Variants in ZMAT1 observed in about 807,000 individuals in gnomAD.
The protein encoded by ZMAT1 is zinc finger matrin-type 1.
In ZMAT1, 11 loss-of-function variants were observed where a neutral mutation model predicts 18.5. The observed-to-expected ratio is 0.59, with a 90% CI of 0.37 to 0.98. The LOEUF is 0.98. Among genes scored for constraint, ZMAT1 ranks in the 50% least tolerant of loss-of-function variants. The probability of loss-of-function intolerance (pLI) is 0.01; values close to 1 mark genes in which losing one functional copy is unlikely to be tolerated. For missense variants in ZMAT1, 525 were observed against 496.2 expected (o/e 1.06, Z -0.55); for synonymous variants, 211 against 176.4 (o/e 1.20, Z -1.55).
chrX:101,921,678 G>GA lies in ZMAT1; in HGVS notation c.292+10038dup, dbSNP rs1387017550. Among the ~76,000 whole-genome samples the GA allele has an allele frequency of 7.2e-5, 8 of 111,870 alleles. No homozygotes were observed. The East Asian group carries it at 2.2e-3, about 31-fold the overall frequency. On this transcript the variant is annotated intron_variant, in intron 1 of 5. Transcript: ENST00000651725. ...TTTATATGGGTTGATGGAGATCAAT[G>GA]AAAAAATATATTTTAGATGGGAATA...
intron 5 of ZMAT1, 104 bp downstream of exon 5, chrX:101,886,528 A>G: frequency 1.9e-6 from 1 of 518,806 alleles, no homozygotes; most frequent in East Asian, 3.6e-5. Context: ...GGTTAAACCC[A>G]TAGGGACATG....
intron 1 of ZMAT1, among the ~76,000 whole-genome samples, chrX:101,908,620 T>G (rs1207608453): frequency 2.7e-5 from 3 of 111,543 alleles, no homozygotes; most frequent in Non-Finnish European, 5.7e-5. Flanking sequence ...CAGCAATTCT[T>G]AGGCAGTGAA....
At chrX:101,888,719 G>A (rs943788701) in intron 4 of ZMAT1, 1 of 111,458 alleles carries the variant, frequency 9.0e-6, no homozygotes, top group Non-Finnish European at 1.9e-5. Flanking sequence ...AACATTATGA[G>A]ATTTTTATGT....
In ZMAT1 at chrX:101,882,305, T is replaced by G. The variant is rs1261667407; in HGVS notation, c.*1205A>C. 9.0e-6 allele frequency: 1 copy of G among 111,706 alleles called. No individual in the cohort carries two copies. Among genetic ancestry groups the G allele is most frequent in the Non-Finnish European group, 1.9e-5 (1 of 52,956 alleles). 9.2% of individuals were successfully genotyped at this position (111,706 alleles called of 1,213,427 possible). On this transcript the variant is annotated 3_prime_UTR_variant, in exon 6 of 6. Coordinates refer to ENST00000651725, the MANE Select transcript of ZMAT1 (RefSeq NM_001394560.1). ...AAACAATATGTAGAAATTAAAACACTTTAATATAAACATTTCCAGAATATA... is the reference window on the plus strand; with the variant it reads ...AAACAATATGTAGAAATTAAAACACGTTAATATAAACATTTCCAGAATATA...
chrX:101,894,213 C>T (rs943592741), intron 4 of ZMAT1, among the ~76,000 whole-genome samples: 2 of 111,357 alleles, frequency 1.8e-5, no homozygotes, highest in Admixed American at 9.5e-5. Flanking sequence ...TTCCGTAGGT[C>T]TGCAGTGGGG....
chrX:101,894,487 T>C (rs1927659588), intron 4 of ZMAT1: 6 of 749,592 alleles, frequency 8.0e-6, no homozygotes, highest in Non-Finnish European at 9.4e-6. Flanking sequence ...CTAGGTGGAT[T>C]TGAAATGGCT....
intron 4 of ZMAT1, 135 bp from the exon 5 acceptor site, chrX:101,886,866 T>C (rs1926994801): frequency 4.4e-6 from 2 of 459,397 alleles, no homozygotes; most frequent in African/African-American, 2.5e-5. Context: ...CCCAGAGAGG[T>C]CAAATGACTT....
At chrX:101,919,819 G>C (rs2147668004) in intron 1 of ZMAT1, among the ~76,000 whole-genome samples, 1 of 111,288 alleles carries the variant, frequency 9.0e-6, no homozygotes, top group South Asian at 3.8e-4. Flanking sequence ...GTCATGATGG[G>C]CTTCACAAGG....
In ZMAT1 at chrX:101,926,907, T is replaced by A. The variant is rs1018520226; in HGVS notation, c.292+4810A>T. Among the ~76,000 whole-genome samples, 3 of 112,162 alleles carry A rather than the reference T, an allele frequency of 2.7e-5. No homozygotes were observed. The Admixed American group carries it at 2.8e-4, about 11-fold the overall frequency. On this transcript the variant is annotated intron_variant, in intron 1 of 5. Transcript: ENST00000651725. Reference sequence around the variant, plus strand: ...AAGTTCACAGGCCAACTGATCTTGATGCAAAAACATCTAGCATTATAAAGG... The same window carrying A: ...AAGTTCACAGGCCAACTGATCTTGAAGCAAAAACATCTAGCATTATAAAGG...
At chrX:101,918,907 C>A (rs1239615262) in intron 1 of ZMAT1, among the ~76,000 whole-genome samples, 1 of 110,577 alleles carries the variant, frequency 9.0e-6, no homozygotes, top group Middle Eastern at 4.2e-3. Flanking sequence ...ACTGGGGCTC[C>A]AGATCATTTC....
chrX:101,892,450 T>C (rs1378473257), intron 4 of ZMAT1, among the ~76,000 whole-genome samples: 1 of 111,152 alleles, frequency 9.0e-6, no homozygotes, highest in African/African-American at 3.3e-5. Flanking sequence ...TTTGATAAGA[T>C]TTGCTAATGG....
At chrX:101,890,383 A>G in intron 4 of ZMAT1, among the ~76,000 whole-genome samples, 1 of 112,173 alleles carries the variant, frequency 8.9e-6, no homozygotes, top group Non-Finnish European at 1.9e-5. Flanking sequence ...CTAGAACAGT[A>G]AGAGAAGTTG....
At chrX:101,931,532 C>T in intron 1 of ZMAT1, 185 bp downstream of exon 1, 1 of 745,003 alleles carries the variant, frequency 1.3e-6, no homozygotes, top group Non-Finnish European at 1.6e-6. Flanking sequence ...GCCCTCTCTG[C>T]TTCAGTCCAT....
At chrX:101,916,610 CCAAAGCAATCTACAGATT>C (rs1929353117) in intron 1 of ZMAT1, among the ~76,000 whole-genome samples, 1 of 110,870 alleles carries the variant, frequency 9.0e-6, no homozygotes, top group South Asian at 3.8e-4. Flanking sequence ...TCCATAGGAC[CCAAAGCAATCTACAGATT>C]CAAAGCAATC....
At chrX:101,894,567 A>C (rs1262862353) in intron 4 of ZMAT1, 1 of 570,470 alleles carries the variant, frequency 1.8e-6, no homozygotes, top group Admixed American at 9.1e-5. Context: ...GAAAGGTCAT[A>C]AGCATACAGA....
intron 4 of ZMAT1, chrX:101,892,670 A>C: frequency 5.7e-6 from 4 of 706,376 alleles, no homozygotes; most frequent in Non-Finnish European, 6.7e-6. Flanking sequence ...TAAGATAAAC[A>C]AAACAAATAT....
chrX:101,893,532 T>C (rs1475938808), intron 4 of ZMAT1, among the ~76,000 whole-genome samples: 2 of 111,727 alleles, frequency 1.8e-5, no homozygotes, highest in Non-Finnish European at 3.8e-5. Flanking sequence ...GAAAACAGGA[T>C]AAGCACTCAA....
At chrX:101,910,791 T>C (rs1278815618) in intron 1 of ZMAT1, among the ~76,000 whole-genome samples, 1 of 111,138 alleles carries the variant, frequency 9.0e-6, no homozygotes, top group Non-Finnish European at 1.9e-5. Flanking sequence ...AGAAAATAGA[T>C]TGAAAAAGGC....
chrX:101,919,934 T>C (rs921202476), intron 1 of ZMAT1, among the ~76,000 whole-genome samples: 10 of 109,888 alleles, frequency 9.1e-5, no homozygotes, highest in Non-Finnish European at 1.1e-4. Flanking sequence ...AGAAGGGTAG[T>C]GGGCACAGAA....
Sources: gnomAD v4.1 joint callset for allele counts (sites outside exome capture counted in the v4.1 genomes callset) on GRCh38, gnomAD v4.1.1 for gene constraint, MANE v1.5 for transcripts, NCBI Gene and HGNC (gene_info 2026-07-23, HGNC 2026-07-21) for gene names.